Variants in TOX observed in about 807,000 individuals in gnomAD.
TOX encodes thymocyte selection associated high mobility group box, also known as thymocyte selection-associated high mobility group box protein TOX.
A neutral mutation model predicts 53.7 loss-of-function variants in TOX; 11 were observed. The observed-to-expected ratio is 0.20, with a 90% CI of 0.13 to 0.34. The LOEUF (loss-of-function observed/expected upper bound fraction) is 0.34, where lower values mean the gene tolerates loss of function less well. Ranked by LOEUF, TOX falls within the 10% of genes least tolerant of loss-of-function variation. The pLI is 1.00. For missense variants in TOX, 570 were observed against 664.6 expected (o/e 0.86, Z 1.56); for synonymous variants, 225 against 245.3 (o/e 0.92, Z 0.77).
chr8:58,965,606 A>G (rs1812879551), intron 1 of TOX, among the ~76,000 whole-genome samples: 2 of 152,274 alleles, frequency 1.3e-5, no homozygotes, highest in South Asian at 4.1e-4. Flanking sequence ...AGAAAATCAG[A>G]AAACTGCTGC....
intron 6 of TOX, among the ~76,000 whole-genome samples, chr8:58,821,574 T>C (rs968464904): frequency 1.3e-5 from 2 of 152,144 alleles, no homozygotes; most frequent in Non-Finnish European, 2.9e-5. Flanking sequence ...TGAGGAATGC[T>C]TTCTGCCTGT....
chr8:58,874,976 G>A (rs1811259887), intron 3 of TOX, among the ~76,000 whole-genome samples: 1 of 152,198 alleles, frequency 6.6e-6, no homozygotes, highest in African/African-American at 2.4e-5. Flanking sequence ...GCTGTCCTGG[G>A]CCACATGTGG....
At chr8:58,959,793 T>C in intron 2 of TOX, 150 bp downstream of exon 2, 1 of 892,404 alleles carries the variant, frequency 1.1e-6, no homozygotes, top group East Asian at 2.7e-5. Context: ...TCTATCTCAT[T>C]AACTGGAAAC....
chr8:58,856,531 G>C (rs528678352), intron 3 of TOX, among the ~76,000 whole-genome samples: 1 of 152,228 alleles, frequency 6.6e-6, no homozygotes, highest in African/African-American at 2.4e-5. Flanking sequence ...GAAAAGACTT[G>C]ATTAATGTCC....
chr8:58,949,548 G>A (rs1280021507), intron 2 of TOX, among the ~76,000 whole-genome samples: 1 of 152,022 alleles, frequency 6.6e-6, no homozygotes, highest in African/African-American at 2.4e-5. Context: ...GGTCCAGAGA[G>A]GTTAAATTAT....
intron 7 of TOX, among the ~76,000 whole-genome samples, chr8:58,809,105 A>G (rs1168579987): frequency 6.6e-6 from 1 of 152,204 alleles, no homozygotes; most frequent in Non-Finnish European, 1.5e-5. Flanking sequence ...ACTAAGATTT[A>G]TTTTTAGCTT....
intron 6 of TOX, among the ~76,000 whole-genome samples, chr8:58,815,974 C>T (rs746113109): frequency 2.6e-4 from 39 of 152,054 alleles, no homozygotes; most frequent in Admixed American, 6.5e-4. Context: ...GTTTTTAACT[C>T]GGTGACTTTT....
intron 1 of TOX, among the ~76,000 whole-genome samples, chr8:59,049,168 T>A (rs1803743741): frequency 6.6e-6 from 1 of 151,754 alleles, no homozygotes; most frequent in Non-Finnish European, 1.5e-5. Flanking sequence ...CTGAACTATA[T>A]TTAAATCCAT....
chr8:58,824,962 T>C (rs1177173296), intron 6 of TOX, among the ~76,000 whole-genome samples: 2 of 152,276 alleles, frequency 1.3e-5, no homozygotes, highest in Admixed American at 1.3e-4. Context: ...GTTTGCCCCT[T>C]TAAATCTTTT....
Position 59,098,295 on chromosome 8 carries a change from G to A in TOX, c.102+20591C>T, listed in dbSNP as rs960635289. Among the ~76,000 whole-genome samples, 11 of 152,268 alleles carry A rather than the reference G, an allele frequency of 7.2e-5. No individual in the cohort carries two copies. In the South Asian group the frequency reaches 1.5e-3, roughly 20 times the overall value. ...TGAATTCCTTTTAAGTACAGTGTCA[G>A]AAATTCTAGAATATTCACTTCTATG... is the stretch of plus-strand genomic sequence containing the variant. On this transcript the variant is annotated intron_variant, in intron 1 of 8. Coordinates refer to ENST00000361421, the MANE Select transcript of TOX (RefSeq NM_014729.3).
intron 3 of TOX, among the ~76,000 whole-genome samples, chr8:58,886,713 T>C (rs950357989): frequency 3.9e-5 from 6 of 152,194 alleles, no homozygotes; most frequent in Admixed American, 2.6e-4. Flanking sequence ...AGGTTTATAA[T>C]GGATACTCTT....
At chr8:58,921,888 C>A (rs1315356799) in intron 3 of TOX, among the ~76,000 whole-genome samples, 1 of 152,194 alleles carries the variant, frequency 6.6e-6, no homozygotes, top group African/African-American at 2.4e-5. Flanking sequence ...AGCATAAGTA[C>A]AATCAACCAC....
At chr8:58,877,891 A>G (rs1327796765) in intron 3 of TOX, among the ~76,000 whole-genome samples, 3 of 152,032 alleles carry the variant, frequency 2.0e-5, no homozygotes, top group Non-Finnish European at 4.4e-5. Context: ...AAACTTTCCA[A>G]TTGATTTTGC....
chr8:58,997,087 G>T (rs1335394359), intron 1 of TOX, among the ~76,000 whole-genome samples: 1 of 152,168 alleles, frequency 6.6e-6, no homozygotes, highest in Non-Finnish European at 1.5e-5. Flanking sequence ...CTCTGAAAGA[G>T]ATCTTACAAA....
intron 1 of TOX, among the ~76,000 whole-genome samples, chr8:59,004,317 C>A (rs1363190831): frequency 6.6e-6 from 1 of 152,160 alleles, no homozygotes; most frequent in Non-Finnish European, 1.5e-5. Flanking sequence ...CAATTGTAAG[C>A]AACTAGTGTA....
At chr8:58,836,150 C>T (rs991338012) in intron 5 of TOX, among the ~76,000 whole-genome samples, 5 of 152,054 alleles carry the variant, frequency 3.3e-5, no homozygotes, top group African/African-American at 9.7e-5. Context: ...TCATATGTGG[C>T]GTCATGGGTG....
intron 3 of TOX, among the ~76,000 whole-genome samples, chr8:58,900,425 C>T (rs1043552665): frequency 1.3e-5 from 2 of 151,916 alleles, no homozygotes; most frequent in East Asian, 3.9e-4. Context: ...ATAATAATAT[C>T]GAAGTGTAGA....
chr8:59,115,112 TC>T (rs1198706969), intron 1 of TOX, among the ~76,000 whole-genome samples: 1 of 152,162 alleles, frequency 6.6e-6, no homozygotes, highest in Admixed American at 6.5e-5. Flanking sequence ...GTTTTGGACT[TC>T]CCTGTTTCTA....
At chr8:58,825,831 G>A (rs1210372980) in intron 6 of TOX, among the ~76,000 whole-genome samples, 1 of 152,056 alleles carries the variant, frequency 6.6e-6, no homozygotes, top group African/African-American at 2.4e-5. Context: ...AATATAAATA[G>A]TTTCAGAAGG....
Sources: allele counts gnomAD v4.1 joint callset (sites outside exome capture counted in the v4.1 genomes callset), GRCh38; gene constraint gnomAD v4.1.1; transcripts MANE v1.5; gene names NCBI Gene and HGNC (gene_info 2026-07-23, HGNC 2026-07-21).